Variants in TSPAN11 observed in about 807,000 individuals in gnomAD.
TSPAN11 encodes tetraspanin 11.
A neutral mutation model predicts 32.9 loss-of-function variants in TSPAN11; 29 were observed. The observed-to-expected ratio is 0.88, with a 90% CI of 0.66 to 1.20. The LOEUF is 1.20. Ranked by LOEUF, TSPAN11 falls within the 50% of genes most tolerant of loss-of-function variation. TSPAN11 has a pLI of 0.00. For synonymous variants in TSPAN11, 140 were observed against 141.3 expected (o/e 0.99, Z 0.07); for missense variants, 283 against 329.1 (o/e 0.86, Z 1.08).
At chr12:30,933,297 G>C (rs1391554066) in intron 1 of TSPAN11, among the ~76,000 whole-genome samples, 1 of 94,802 alleles carries the variant, frequency 1.1e-5, no homozygotes, top group Non-Finnish European at 3.1e-5. Context: ...CAGCCAGTAA[G>C]AGTGACATTA....
At chr12:30,926,913 C>T in intron 1 of TSPAN11, 117 bp downstream of exon 1, 1 of 1,281,926 alleles carries the variant, frequency 7.8e-7, no homozygotes, top group African/African-American at 1.5e-5. Context: ...TAGACTGTCC[C>T]GAGCTTCCCC....
At chr12:30,958,773 G>A (rs1938550222) in intron 2 of TSPAN11, among the ~76,000 whole-genome samples, 1 of 152,098 alleles carries the variant, frequency 6.6e-6, no homozygotes, top group South Asian at 2.1e-4. Flanking sequence ...AGTGATCCTG[G>A]GGCAGGGGCA....
At chr12:30,980,849 G>A (rs1939076428) in intron 5 of TSPAN11, among the ~76,000 whole-genome samples, 1 of 152,214 alleles carries the variant, frequency 6.6e-6, no homozygotes, top group Non-Finnish European at 1.5e-5. Flanking sequence ...CCAGCCCTGT[G>A]CAAAACTAAG....
Position 30,978,632 on chromosome 12 carries a change from G to C in TSPAN11, c.348G>C (p.Gln116His). ...VAGVLAHVYY[Q>H]RLSDELKQHL... The stretch of plus-strand genomic sequence containing the variant: ...GAGTCCTGGCCCATGTGTATTACCA[G>C]AGGGTAAGTGACGTTTCCTCCTCCT... The change falls in exon 4 of 8, where the codon CAG (glutamine) becomes CAC (histidine). Residue 116 changes from glutamine (Q) to histidine (H), a missense_variant. By Grantham distance (24) the Gln-to-His change is conservative. Coordinates refer to ENST00000546076, the MANE Select transcript of TSPAN11 (RefSeq NM_001370302.1). 1.2e-6 allele frequency: 2 copies of C among 1,614,190 alleles called. No individual in the cohort carries two copies. Among genetic ancestry groups the C allele is most frequent in the African/African-American group, 2.7e-5 (2 of 75,062 alleles).
intron 7 of TSPAN11, among the ~76,000 whole-genome samples, chr12:30,991,640 G>A (rs1189252584): frequency 3.3e-5 from 5 of 152,174 alleles, no homozygotes; most frequent in Admixed American, 3.3e-4. Flanking sequence ...ATGGCAGAAT[G>A]TGGTTCCCCC....
chr12:30,988,496 G>C (rs551042202), intron 7 of TSPAN11: 1 of 152,402 alleles, frequency 6.6e-6, no homozygotes, highest in East Asian at 1.9e-4. Context: ...GGCTGAGGCA[G>C]GAGAATTGCT....
intron 1 of TSPAN11, among the ~76,000 whole-genome samples, chr12:30,938,128 C>G (rs1938084101): frequency 6.6e-6 from 1 of 152,158 alleles, no homozygotes; most frequent in African/African-American, 2.4e-5. Flanking sequence ...TTCTGGGAGA[C>G]CATTAGTAGT....
intron 3 of TSPAN11, among the ~76,000 whole-genome samples, chr12:30,970,562 C>T (rs1022314933): frequency 1.2e-4 from 19 of 152,210 alleles, no homozygotes; most frequent in African/African-American, 4.6e-4. Context: ...CATGCCCTCT[C>T]TCTGTCCACC....
In TSPAN11 at chr12:30,963,992, G is replaced by A; in HGVS notation, c.251G>A (p.Trp84Ter). Residue 84 changes from tryptophan (W) to a stop codon, truncating the protein, a stop_gained, in exon 3 of 8, where the codon TGG becomes TAG. Coordinates refer to ENST00000546076, the MANE Select transcript of TSPAN11 (RefSeq NM_001370302.1). LOFTEE classifies it high-confidence loss of function. ...TTCCTGGGCTTCGGTGCCATCCTCT[G>A]GGAGCGGAAGGGCTGCCTCTCCACG... ...TGFLGFGAIL[W>*]ERKGCLSTYF... is the part of the protein sequence containing the mutation. 3 of 1,613,826 alleles carry A rather than the reference G, an allele frequency of 1.9e-6. No individual in the cohort carries two copies. The highest frequency in any genetic ancestry group is 2.5e-6 in the Non-Finnish European group (3 of 1,180,000).
At chr12:30,946,659 G>A (rs1337351601) in intron 1 of TSPAN11, among the ~76,000 whole-genome samples, 1 of 152,208 alleles carries the variant, frequency 6.6e-6, no homozygotes, top group Non-Finnish European at 1.5e-5. Flanking sequence ...AGAGAGGATG[G>A]GATTCCTCTG....
Position 30,993,487 on chromosome 12 carries a change from G to A in TSPAN11, c.*1572G>A, listed in dbSNP as rs1340322302. The A allele has an allele frequency of 6.6e-6, 1 of 152,314 alleles. No homozygotes were observed. Among genetic ancestry groups the A allele is most frequent in the Non-Finnish European group, 1.5e-5 (1 of 68,116 alleles). 9.4% of individuals were successfully genotyped at this position (152,314 alleles called of 1,614,324 possible). A position where few individuals can be genotyped will look rare whatever the true frequency, so the allele number is the denominator to read the frequency against. On this transcript the variant is annotated 3_prime_UTR_variant, in exon 8 of 8. Transcript: ENST00000546076. ...TGGACAGAGGGAAGCCCAGCCTCGG[G>A]GCCGGTTGCCTCCTCTTCTCTGGGT...
Position 30,983,116 on chromosome 12 carries a change from T to C in TSPAN11, c.668T>C (p.Met223Thr). Residue 223 changes from methionine to threonine, a missense_variant, in exon 7 of 8, where the codon ATG (methionine) becomes ACG (threonine). By Grantham distance (81) the Met-to-Thr change is moderately conservative. Transcript: ENST00000546076. ...EQFLADHLLLMGAVGIGVACL... is the reference protein window; with the variant it reads ...EQFLADHLLLTGAVGIGVACL... The stretch of plus-strand genomic sequence containing the variant: ...TTCCTGGCCGACCACCTGCTGCTTA[T>C]GGGGGCAGTGGGCATCGGGGTGGCC... 6.2e-7 allele frequency: 1 copy of C among 1,613,220 alleles called. No individual in the cohort carries two copies. The highest frequency in any genetic ancestry group is 8.5e-7 in the Non-Finnish European group (1 of 1,179,938).
At chr12:30,982,055 G>A (rs900913013) in intron 5 of TSPAN11, among the ~76,000 whole-genome samples, 8 of 152,178 alleles carry the variant, frequency 5.3e-5, no homozygotes, top group Admixed American at 1.3e-4. Flanking sequence ...TGCCATGGGC[G>A]GGTCTGGGGC....
At chr12:31,014,403 A>C in the TSPAN11 span, among the ~76,000 whole-genome samples, 1 of 152,198 alleles carries the variant, frequency 6.6e-6, no homozygotes, top group Non-Finnish European at 1.5e-5. Flanking sequence ...ACTCTTAATC[A>C]CAGTGAATTT....
At chr12:30,937,665 C>G (rs1358240842) in intron 1 of TSPAN11, among the ~76,000 whole-genome samples, 2 of 152,182 alleles carry the variant, frequency 1.3e-5, no homozygotes, top group African/African-American at 4.8e-5. Context: ...TCTACCATCC[C>G]CAAGGGCAGT....
Position 30,963,901 on chromosome 12 carries a change from T to G in TSPAN11, c.160T>G (p.Ser54Ala). 6.2e-7 allele frequency: 1 copy of G among 1,613,690 alleles called. No homozygotes were observed. Among genetic ancestry groups the G allele is most frequent in the South Asian group, 1.1e-5 (1 of 91,082 alleles). The stretch of plus-strand genomic sequence containing the variant: ...GAGTGGCTACCTCAGCGTCCTGGCC[T>G]CCAGCACCTTTGCCGCCTCCGCCTA... Reference protein sequence around the residue: ...EKSGYLSVLASSTFAASAYIL... With the variant: ...EKSGYLSVLAASTFAASAYIL... The change falls in exon 3 of 8, where the codon TCC becomes GCC. Residue 54 changes from serine (S) to alanine (A), a missense_variant. Physicochemically the swap from Ser to Ala is moderately conservative, Grantham distance 99. Coordinates refer to ENST00000546076, the MANE Select transcript of TSPAN11 (RefSeq NM_001370302.1).
At chr12:30,938,450 G>A (rs1285271634) in intron 1 of TSPAN11, among the ~76,000 whole-genome samples, 1 of 152,226 alleles carries the variant, frequency 6.6e-6, no homozygotes, top group Non-Finnish European at 1.5e-5. Flanking sequence ...CCCAGGCTGG[G>A]CAGGGAAGGA....
At chr12:30,930,708 G>A (rs768503365) in intron 1 of TSPAN11, among the ~76,000 whole-genome samples, 1 of 152,236 alleles carries the variant, frequency 6.6e-6, no homozygotes, top group Non-Finnish European at 1.5e-5. Context: ...TTATGGCAAG[G>A]AGGGGGCTTG....
chr12:30,950,219 C>G (rs1003536268), intron 1 of TSPAN11, among the ~76,000 whole-genome samples: 1 of 152,144 alleles, frequency 6.6e-6, no homozygotes, highest in East Asian at 1.9e-4. Context: ...TGACCCCCTA[C>G]ATACCCTTCA....
Sources: allele counts gnomAD v4.1 joint callset (sites outside exome capture counted in the v4.1 genomes callset), GRCh38; gene constraint gnomAD v4.1.1; transcripts MANE v1.5; gene names NCBI Gene and HGNC (gene_info 2026-07-23, HGNC 2026-07-21).